Variants in RASEF observed in about 807,000 individuals in gnomAD.
RASEF encodes ras and EF-hand domain-containing protein.
In RASEF, 68 loss-of-function variants were observed where a neutral mutation model predicts 90.1. The observed-to-expected ratio is 0.75, with a 90% CI of 0.62 to 0.92. RASEF has a LOEUF of 0.92. Among genes scored for constraint, RASEF ranks in the 40% least tolerant of loss-of-function variants. The probability of loss-of-function intolerance (pLI) is 0.00; values close to 1 mark genes in which losing one functional copy is unlikely to be tolerated. For synonymous variants in RASEF, 331 were observed against 345.2 expected, an observed-to-expected ratio of 0.96 and a Z score of 0.46; for missense variants, 949 against 937.2, an observed-to-expected ratio of 1.01 and a Z score of -0.16.
At chr9:83,190,717 A>G in the RASEF span, among the ~76,000 whole-genome samples, 26 of 152,238 alleles carry the variant, frequency 1.7e-4, no homozygotes, top group Admixed American at 1.5e-3. Context: ...ACTTGTTAAT[A>G]TACATAATTG....
At chr9:83,102,170 G>A in the RASEF span, among the ~76,000 whole-genome samples, 1 of 152,146 alleles carries the variant, frequency 6.6e-6, no homozygotes, top group African/African-American at 2.4e-5. Context: ...CTGCGCCTGT[G>A]GGTTCAAGAG....
chr9:83,063,635 C>T (rs1830255693), upstream of RASEF, among the ~76,000 whole-genome samples: 1 of 152,186 alleles, frequency 6.6e-6, no homozygotes, highest in African/African-American at 2.4e-5. Flanking sequence ...TCTCCAATTC[C>T]ACATTTTTTC....
At chr9:83,055,535 G>A (rs1477384678) in intron 1 of RASEF, 28 of 706,582 alleles carry the variant, frequency 4.0e-5, no homozygotes, top group Middle Eastern at 2.3e-4. Flanking sequence ...GCTGTAGACC[G>A]GAGCTGTTCC....
the RASEF span, among the ~76,000 whole-genome samples, chr9:83,079,913 TACTC>T: frequency 6.6e-6 from 1 of 151,970 alleles, no homozygotes; most frequent in South Asian, 2.1e-4. Flanking sequence ...ATTAAAAAAA[TACTC>T]AGAGAATCAT....
chr9:83,216,997 G>A, the RASEF span, among the ~76,000 whole-genome samples: 4 of 152,190 alleles, frequency 2.6e-5, no homozygotes, highest in African/African-American at 9.7e-5. Context: ...AGCCACACAG[G>A]CAGAGTTGTC....
intron 1 of RASEF, among the ~76,000 whole-genome samples, chr9:83,043,926 C>T (rs961461033): frequency 3.9e-5 from 6 of 152,238 alleles, no homozygotes; most frequent in South Asian, 2.1e-4. Flanking sequence ...AGAGAGAAGA[C>T]GTGATTTAAC....
the RASEF span, among the ~76,000 whole-genome samples, chr9:83,206,902 T>C: frequency 2.0e-5 from 3 of 152,242 alleles, no homozygotes; most frequent in Non-Finnish European, 1.5e-5. Context: ...TCACCTTCCA[T>C]GGCTGCCTTA....
chr9:83,062,113 GCGGTGAGATGTGGCGCGCGCGCCTAAACT>G (rs928481466), intron 1 of RASEF, among the ~76,000 whole-genome samples: 3 of 152,234 alleles, frequency 2.0e-5, no homozygotes, highest in Non-Finnish European at 4.4e-5. Context: ...TAACCAGGAC[GCGGTGAGATGTGGCGCGCGCGCCTAAACT>G]CGCGCGGGGC....
At chr9:83,119,167 G>A in the RASEF span, among the ~76,000 whole-genome samples, 1,097 of 128,574 alleles carry the variant, frequency 8.5e-3, 7 homozygotes, top group Middle Eastern at 0.052. Flanking sequence ...GCCACCATGC[G>A]GGCTATTTTT....
chr9:83,177,735 G>A, the RASEF span, among the ~76,000 whole-genome samples: 2 of 151,620 alleles, frequency 1.3e-5, no homozygotes, highest in South Asian at 2.1e-4. Context: ...GGGTCTTTTC[G>A]TATTTATCCC....
intron 1 of RASEF, among the ~76,000 whole-genome samples, chr9:83,038,779 TATATA>T (rs1829787762): frequency 6.6e-6 from 1 of 152,198 alleles, no homozygotes; most frequent in Non-Finnish European, 1.5e-5. Flanking sequence ...TTGATAAAAT[TATATA>T]ATTTAAAGTA....
the RASEF span, among the ~76,000 whole-genome samples, chr9:83,092,877 T>G: frequency 1.3e-5 from 2 of 151,930 alleles, no homozygotes; most frequent in African/African-American, 4.8e-5. Flanking sequence ...ACAAAGGTTC[T>G]CCAAGGCCCC....
intron 5 of RASEF, among the ~76,000 whole-genome samples, chr9:83,011,388 T>C (rs957002663): frequency 1.3e-5 from 2 of 151,586 alleles, no homozygotes; most frequent in African/African-American, 2.4e-5. Context: ...CCTGTCTCTA[T>C]TAAAACTCAA....
chr9:83,129,406 C>CA, the RASEF span, among the ~76,000 whole-genome samples: 6,392 of 97,624 alleles, frequency 0.065, 362 homozygotes, highest in African/African-American at 0.18. Flanking sequence ...GACTCCACCT[C>CA]AAAAAAAAAA....
the RASEF span, among the ~76,000 whole-genome samples, chr9:83,148,811 C>T: frequency 1.3e-5 from 2 of 152,336 alleles, no homozygotes; most frequent in East Asian, 3.9e-4. Context: ...GATACTGTCT[C>T]ATGGGGAGCT....
At chr9:83,159,937 G>A in the RASEF span, among the ~76,000 whole-genome samples, 3 of 152,192 alleles carry the variant, frequency 2.0e-5, no homozygotes, top group Admixed American at 1.3e-4. Context: ...AAAAACAGGA[G>A]TTTCCCTGCA....
chr9:83,149,329 T>C, the RASEF span, among the ~76,000 whole-genome samples: 1 of 152,154 alleles, frequency 6.6e-6, no homozygotes, highest in Non-Finnish European at 1.5e-5. Flanking sequence ...TGGCCCTTGA[T>C]TAATGCTAAA....
Position 82,998,457 on chromosome 9 carries a change from A to G in RASEF, c.1724-11T>C, listed in dbSNP as rs1308982247. 10 of 1,548,258 alleles carry G rather than the reference A, an allele frequency of 6.5e-6. No individual in the cohort carries two copies. Among genetic ancestry groups the G allele is most frequent in the Non-Finnish European group, 8.9e-6 (10 of 1,120,314 alleles). ...TTTGGAAATCAACTCCTGAAAAGGA[A>G]TGTGAGAGTGGAGAGCACGATGTAA... On this transcript the variant is annotated splice_polypyrimidine_tract_variant and intron_variant, in intron 12 of 16. Transcript: ENST00000376447.
chr9:83,123,982 C>T, the RASEF span, among the ~76,000 whole-genome samples: 2 of 152,214 alleles, frequency 1.3e-5, no homozygotes, highest in African/African-American at 4.8e-5. Flanking sequence ...TTGGCAAACA[C>T]CTTTCTACTT....
Sources: gnomAD v4.1 joint callset for allele counts (sites outside exome capture counted in the v4.1 genomes callset) on GRCh38, gnomAD v4.1.1 for gene constraint, MANE v1.5 for transcripts, NCBI Gene and HGNC (gene_info 2026-07-23, HGNC 2026-07-21) for gene names.